Variants in PPFIA2 observed in about 807,000 individuals in gnomAD.
PPFIA2 encodes PPFI scaffold protein A2, also known as liprin-alpha-2.
A neutral mutation model predicts 175.5 loss-of-function variants in PPFIA2; 46 were observed. The ratio of observed to expected loss-of-function variants is 0.26; its 90% CI spans 0.21 to 0.34. PPFIA2 has a LOEUF of 0.34. Ranked by LOEUF, PPFIA2 falls within the 10% of genes least tolerant of loss-of-function variation. The pLI, the probability that PPFIA2 is intolerant of heterozygous loss-of-function variation, is 1.00. For synonymous variants in PPFIA2, 568 were observed against 511.4 expected (o/e 1.11, Z -1.49); for missense variants, 1,179 against 1,506.1 (o/e 0.78, Z 3.60).
Position 81,721,476 on chromosome 12 carries a change from T to C in PPFIA2, c.249+32497A>G, listed in dbSNP as rs185107391. Among the ~76,000 whole-genome samples the C allele has an allele frequency of 1.3e-3, 202 of 149,768 alleles. 2 individuals carry two copies. Among genetic ancestry groups the C allele is most frequent in the Admixed American group, 4.2e-3 (63 of 14,938 alleles). ...AAACACACACACACACACACAAACA[T>C]ACACACACATATGCATACATCTAGT... On this transcript the variant is annotated intron_variant, in intron 3 of 32. Transcript: ENST00000549396.
At chr12:81,341,011 C>A in intron 20 of PPFIA2, 67 bp downstream of exon 20, 2 of 1,450,972 alleles carry the variant, frequency 1.4e-6, no homozygotes, top group Non-Finnish European at 1.9e-6. Context: ...TATTCGACAA[C>A]AACGAAGGAA....
intron 4 of PPFIA2, chr12:81,546,281 T>C (rs1448229538): frequency 6.6e-6 from 1 of 152,158 alleles, no homozygotes; most frequent in African/African-American, 2.4e-5. Flanking sequence ...GTTCAGGGGA[T>C]TCATAGCATT....
At chr12:81,341,316 A>G in intron 19 of PPFIA2, 108 bp from the exon 20 acceptor site, 1 of 1,109,430 alleles carries the variant, frequency 9.0e-7, no homozygotes, top group Non-Finnish European at 1.2e-6. Flanking sequence ...TTAATACAAA[A>G]TAAAACAACA....
At chr12:81,366,000 T>C (rs1178963306) in intron 14 of PPFIA2, among the ~76,000 whole-genome samples, 2 of 99,504 alleles carry the variant, frequency 2.0e-5, no homozygotes, top group Non-Finnish European at 4.1e-5. Flanking sequence ...CTTCCTTCCT[T>C]CCTTCCTTCC....
At chr12:81,566,957 T>C (rs996985551) in intron 4 of PPFIA2, among the ~76,000 whole-genome samples, 4 of 152,224 alleles carry the variant, frequency 2.6e-5, no homozygotes, top group Admixed American at 6.5e-5. Flanking sequence ...AACAACTGCA[T>C]GTTGTAAGAA....
chr12:81,376,417 C>CAA (rs34688540), intron 9 of PPFIA2, among the ~76,000 whole-genome samples: 1 of 142,948 alleles, frequency 7.0e-6, no homozygotes, highest in Non-Finnish European at 1.6e-5. Flanking sequence ...AAGGCCAGGC[C>CAA]AAAAAAAAAA....
chr12:81,433,869 G>A (rs1592916091), intron 7 of PPFIA2, among the ~76,000 whole-genome samples: 1 of 152,078 alleles, frequency 6.6e-6, no homozygotes, highest in South Asian at 2.1e-4. Flanking sequence ...AATACTTGTT[G>A]AACAGTCGTA....
intron 3 of PPFIA2, among the ~76,000 whole-genome samples, chr12:81,731,646 A>T (rs1311325158): frequency 6.6e-6 from 1 of 151,650 alleles, no homozygotes; most frequent in Admixed American, 6.6e-5. Flanking sequence ...GAGTATATCA[A>T]TTTAGAGTGC....
chr12:81,472,244 C>G (rs2056852498), intron 4 of PPFIA2, among the ~76,000 whole-genome samples: 2 of 152,118 alleles, frequency 1.3e-5, no homozygotes, highest in South Asian at 4.1e-4. Flanking sequence ...CTCTGGATTT[C>G]CTTCTGGGGT....
chr12:81,698,803 T>A (rs1443830811), intron 3 of PPFIA2, among the ~76,000 whole-genome samples: 1 of 151,796 alleles, frequency 6.6e-6, no homozygotes, highest in Non-Finnish European at 1.5e-5. Context: ...ACACATCTAG[T>A]GGAAACAAAA....
At chr12:81,391,335 A>C (rs181665793) in intron 8 of PPFIA2, among the ~76,000 whole-genome samples, 1 of 151,902 alleles carries the variant, frequency 6.6e-6, no homozygotes, top group Admixed American at 6.6e-5. Context: ...GAATAATTGT[A>C]AGTCGTCCTG....
At chr12:81,666,801 A>G (rs982761780) in intron 4 of PPFIA2, among the ~76,000 whole-genome samples, 2 of 152,114 alleles carry the variant, frequency 1.3e-5, no homozygotes, top group East Asian at 3.9e-4. Flanking sequence ...GGCACAAAGA[A>G]GAAAGTAAAT....
In PPFIA2 at chr12:81,287,556, T is replaced by C. The variant is rs143968987; in HGVS notation, c.2926-3253A>G. Among the ~76,000 whole-genome samples the C allele has an allele frequency of 3.5e-4, 53 of 152,040 alleles. No individual in the cohort carries two copies. The East Asian group carries it at 0.01, about 29-fold the overall frequency. On this transcript the variant is annotated intron_variant, in intron 24 of 32. Coordinates refer to ENST00000549396, the MANE Select transcript of PPFIA2 (RefSeq NM_003625.5). ...CTTGTGAAGACCACTGCCAGCCCTA[T>C]AGTCTTGTAAAAAGCCGACAGAAAT...
rs1424284192 is a variant in PPFIA2, at chr12:81,258,007, C to T, written c.*1687G>A. 6.6e-6 allele frequency: 1 copy of T among 151,944 alleles called. No individual in the cohort carries two copies. Among genetic ancestry groups the T allele is most frequent in the Non-Finnish European group, 1.5e-5 (1 of 67,956 alleles). The allele number at this position is 151,944 out of a possible 1,614,324, so 9.4% of individuals were successfully genotyped here. On this transcript the variant is annotated 3_prime_UTR_variant, in exon 33 of 33. Transcript: ENST00000549396. ...TTATGGCATTATAATGTCGTAGTTC[C>T]TATATTCTATTTCATTTCTATGAAT...
chr12:81,522,099 G>A (rs942443636), intron 4 of PPFIA2, among the ~76,000 whole-genome samples: 1 of 152,060 alleles, frequency 6.6e-6, no homozygotes, highest in Admixed American at 6.5e-5. Context: ...TAAATCTATA[G>A]ATGTGAAAGA....
At chr12:81,488,008 ATAGT>A (rs1473586261) in intron 4 of PPFIA2, among the ~76,000 whole-genome samples, 2 of 151,946 alleles carry the variant, frequency 1.3e-5, no homozygotes, top group East Asian at 1.9e-4. Context: ...GCCATGTAAT[ATAGT>A]TAGTTAGTGG....
intron 4 of PPFIA2, among the ~76,000 whole-genome samples, chr12:81,532,113 A>G (rs2064661980): frequency 6.6e-6 from 1 of 151,832 alleles, no homozygotes; most frequent in Non-Finnish European, 1.5e-5. Context: ...AGCAGCCGTG[A>G]CATTTGTTAT....
rs145964222 is a variant in PPFIA2, at chr12:81,296,366, G to A, written c.2725-1331C>T. Among the ~76,000 whole-genome samples the A allele has an allele frequency of 5.2e-4, 79 of 152,240 alleles. 1 individual carries two copies. In the East Asian group the frequency reaches 0.011, roughly 22 times the overall value. Reference sequence around the variant, plus strand: ...TTTTGATTTTTCAACTTTGCTGTGAGACTCTTGAAAGACAATTAAACCAGC... The same window carrying A: ...TTTTGATTTTTCAACTTTGCTGTGAAACTCTTGAAAGACAATTAAACCAGC... On this transcript the variant is annotated intron_variant, in intron 23 of 32. Coordinates refer to ENST00000549396, the MANE Select transcript of PPFIA2 (RefSeq NM_003625.5).
chr12:81,422,076 G>A (rs555095960), intron 7 of PPFIA2, among the ~76,000 whole-genome samples: 11 of 138,692 alleles, frequency 7.9e-5, no homozygotes, highest in Non-Finnish European at 1.2e-4. Flanking sequence ...GTGTGTGTGT[G>A]TATATATATG....
Sources: gnomAD v4.1 joint callset for allele counts (sites outside exome capture counted in the v4.1 genomes callset) on GRCh38, gnomAD v4.1.1 for gene constraint, MANE v1.5 for transcripts, NCBI Gene and HGNC (gene_info 2026-07-23, HGNC 2026-07-21) for gene names.